TBC1D23: variants seen among roughly 807,000 people sequenced by gnomAD.
The protein encoded by TBC1D23 is TBC1 domain family member 23.
TBC1D23 carries 55 observed loss-of-function variants against 91.4 expected under a neutral mutation model. That is an observed-to-expected ratio of 0.60 (90% CI 0.48 to 0.75). TBC1D23 has a LOEUF of 0.75. Ranked by LOEUF, TBC1D23 falls within the 30% of genes least tolerant of loss-of-function variation. The pLI is 0.00. For missense variants in TBC1D23, 725 were observed against 836.1 expected (o/e 0.87, Z 1.64); for synonymous variants, 289 against 281.0 (o/e 1.03, Z -0.28).
chr3:100,290,117 T>A (rs1323443899), intron 4 of TBC1D23, among the ~76,000 whole-genome samples: 1 of 152,200 alleles, frequency 6.6e-6, no homozygotes, highest in Non-Finnish European at 1.5e-5. Context: ...CAACAGTTTT[T>A]AAGGCCATTA....
In TBC1D23 at chr3:100,261,342, G is replaced by C. The variant is rs577990481; in HGVS notation, c.53+271G>C. 3 of 508,504 alleles carry C rather than the reference G, an allele frequency of 5.9e-6. No homozygotes were observed. The East Asian group carries it at 1.0e-4, about 18-fold the overall frequency. 31.5% of individuals were successfully genotyped at this position (508,504 alleles called of 1,614,324 possible). A position where few individuals can be genotyped will look rare whatever the true frequency, so the allele number is the denominator to read the frequency against. ...CCTGTGTCGTCTGTCAGTCTCCAAA[G>C]TGTGCTGGAGTGGGTGGCTTCAGGG... On this transcript the variant is annotated intron_variant, in intron 1 of 18. Coordinates refer to ENST00000394144, the MANE Select transcript of TBC1D23 (RefSeq NM_001199198.3).
intron 1 of TBC1D23, among the ~76,000 whole-genome samples, chr3:100,272,004 GCCAC>G (rs1419426034): frequency 6.6e-6 from 1 of 152,176 alleles, no homozygotes; most frequent in African/African-American, 2.4e-5. Flanking sequence ...ACGAATCCAT[GCCAC>G]CCTTCCATCC....
At chr3:100,313,195 T>A (rs1362443244) in intron 15 of TBC1D23, among the ~76,000 whole-genome samples, 1 of 152,140 alleles carries the variant, frequency 6.6e-6, no homozygotes, top group African/African-American at 2.4e-5. Context: ...TTGTGAATCA[T>A]CCTTTCCATT....
intron 18 of TBC1D23, among the ~76,000 whole-genome samples, chr3:100,321,728 A>G (rs1300082538): frequency 6.6e-6 from 1 of 152,192 alleles, no homozygotes; most frequent in East Asian, 1.9e-4. Context: ...TGGAAGAGGA[A>G]ATTATTCAGC....
chr3:100,291,764 A>G (rs2067792480), intron 5 of TBC1D23, among the ~76,000 whole-genome samples: 1 of 151,614 alleles, frequency 6.6e-6, no homozygotes, highest in African/African-American at 2.4e-5. Flanking sequence ...TGGCTACATC[A>G]AAGATGGATT....
At chr3:100,298,722 T>C (rs1705354698) in intron 9 of TBC1D23, among the ~76,000 whole-genome samples, 1 of 152,222 alleles carries the variant, frequency 6.6e-6, no homozygotes, top group Non-Finnish European at 1.5e-5. Flanking sequence ...CAAACTAATA[T>C]TTAAAAACAA....
rs190242694 is a variant in TBC1D23 at position 100,279,595 on chromosome 3, A to C, written c.54-54A>C. The C allele has an allele frequency of 1.5e-5, 18 of 1,236,390 alleles. No homozygotes were observed. The East Asian group carries it at 3.3e-4, about 23-fold the overall frequency. 76.6% of individuals were successfully genotyped at this position (1,236,390 alleles called of 1,614,324 possible). ...GGCCATGCTTATAAATGAATCTTGA[A>C]TAAGAAAAAGTATGAGATAAAGTTC... On this transcript the variant is annotated intron_variant, in intron 1 of 18. Coordinates refer to ENST00000394144, the MANE Select transcript of TBC1D23 (RefSeq NM_001199198.3).
chr3:100,310,617 G>A (rs774577607), intron 14 of TBC1D23, 75 bp downstream of exon 14: 6 of 1,156,634 alleles, frequency 5.2e-6, no homozygotes, highest in South Asian at 1.7e-5. Flanking sequence ...GTAAGTAAAT[G>A]TTAGTTGAAT....
At chr3:100,309,225 A>C (rs925783928) in intron 13 of TBC1D23, among the ~76,000 whole-genome samples, 2 of 152,190 alleles carry the variant, frequency 1.3e-5, no homozygotes, top group Non-Finnish European at 2.9e-5. Flanking sequence ...CATCTCTTAC[A>C]TTTGGTACAT....
chr3:100,304,865 G>A lies in TBC1D23; in HGVS notation c.1283G>A (p.Ser428Asn). Residue 428 changes from serine (S) to asparagine (N), a missense_variant, in exon 12 of 19, where the codon AGT becomes AAT. Ser to Asn is a conservative substitution (Grantham distance 46). Coordinates refer to ENST00000394144, the MANE Select transcript of TBC1D23 (RefSeq NM_001199198.3). ...TTACAGAAAAACAAAGAATATGTGA[G>A]TATTGCCAGTGGAGGATTTATGGGT... Reference protein sequence around the residue: ...HFLQKNKEYVSIASGGFMALQ... With the variant: ...HFLQKNKEYVNIASGGFMALQ... The A allele has an allele frequency of 6.7e-7, 1 of 1,501,912 alleles. No individual in the cohort carries two copies. Among genetic ancestry groups the A allele is most frequent in the Middle Eastern group, 1.7e-4 (1 of 5,842 alleles). The allele number at this position is 1,501,912 out of a possible 1,614,324, so 93.0% of individuals were successfully genotyped here. A position where few individuals can be genotyped will look rare whatever the true frequency, so the allele number is the denominator to read the frequency against.
intron 11 of TBC1D23, among the ~76,000 whole-genome samples, chr3:100,304,302 G>T (rs1201293484): frequency 6.6e-6 from 1 of 152,078 alleles, no homozygotes; most frequent in Non-Finnish European, 1.5e-5. Flanking sequence ...TTAGGGGAAG[G>T]AGGTTCTGAG....
chr3:100,300,833 G>A lies in TBC1D23; in HGVS notation c.1093-1234G>A, dbSNP rs536193734. Among the ~76,000 whole-genome samples, 37 of 152,062 alleles carry A rather than the reference G, an allele frequency of 2.4e-4. 1 individual carries two copies. In the South Asian group the frequency reaches 2.9e-3, roughly 12 times the overall value. On this transcript the variant is annotated intron_variant, in intron 10 of 18. Coordinates refer to ENST00000394144, the MANE Select transcript of TBC1D23 (RefSeq NM_001199198.3). ...TAAAAATTTTTAAAGAATATTATCA[G>A]CTTACGTAATCTTCCAGACTTTTAA...
chr3:100,287,179 C>T (rs1328822359), intron 4 of TBC1D23, among the ~76,000 whole-genome samples: 4 of 152,110 alleles, frequency 2.6e-5, no homozygotes, highest in Non-Finnish European at 5.9e-5. Flanking sequence ...GTTGCTTGAT[C>T]TCGGCTCACT....
At chr3:100,267,252 A>G (rs1398454666) in intron 1 of TBC1D23, 2 of 450,350 alleles carry the variant, frequency 4.4e-6, no homozygotes, top group Non-Finnish European at 8.9e-6. Context: ...AAAGCAGGTA[A>G]GTACCTTCCA....
Position 100,304,894 on chromosome 3 carries a change from A to AT in TBC1D23, c.1306+10dup. 2 of 1,441,690 alleles carry AT rather than the reference A, an allele frequency of 1.4e-6. No individual in the cohort carries two copies. Among genetic ancestry groups the AT allele is most frequent in the Non-Finnish European group, 2.0e-6 (2 of 1,025,250 alleles). The allele number at this position is 1,441,690 out of a possible 1,614,324, so 89.3% of individuals were successfully genotyped here. A position where few individuals can be genotyped will look rare whatever the true frequency, so the allele number is the denominator to read the frequency against. On this transcript the variant is annotated splice_region_variant and intron_variant, in intron 12 of 18. Transcript: ENST00000394144. ...TGCCAGTGGAGGATTTATGGGTAAG[A>AT]TTTTGATTTATTAGTTTTTTTCCTC...
At chr3:100,279,586 G>A (rs1193625229) in intron 1 of TBC1D23, 63 bp from the exon 2 acceptor site, 1 of 1,158,156 alleles carries the variant, frequency 8.6e-7, no homozygotes, top group African/African-American at 1.6e-5. Flanking sequence ...GCTTATAAAT[G>A]AATCTTGAAT....
chr3:100,264,415 A>G (rs1254042647), intron 1 of TBC1D23, among the ~76,000 whole-genome samples: 1 of 152,002 alleles, frequency 6.6e-6, no homozygotes, highest in Non-Finnish European at 1.5e-5. Flanking sequence ...CCTAGCTCAA[A>G]CTCATCTTAA....
Position 100,306,570 on chromosome 3 carries a change from C to T in TBC1D23, c.1413+27C>T, listed in dbSNP as rs377511112. 2.5e-4 allele frequency: 343 copies of T among 1,394,900 alleles called. 2 individuals are homozygous for T. Among genetic ancestry groups the T allele is most frequent in the Non-Finnish European group, 8.1e-5 (80 of 985,920 alleles). 86.4% of individuals were successfully genotyped at this position (1,394,900 alleles called of 1,614,324 possible). A position where few individuals can be genotyped will look rare whatever the true frequency, so the allele number is the denominator to read the frequency against. ...TAAGTATATGTAGAGAATATGTTACCGGATTTGGATAAGTTCCCAGAAAAG... is the reference window on the plus strand; with the variant it reads ...TAAGTATATGTAGAGAATATGTTACTGGATTTGGATAAGTTCCCAGAAAAG... On this transcript the variant is annotated intron_variant, in intron 13 of 18. Coordinates refer to ENST00000394144, the MANE Select transcript of TBC1D23 (RefSeq NM_001199198.3).
rs1272882677 is a variant in TBC1D23, at chr3:100,261,052, A to G, written c.34A>G (p.Thr12Ala). The change falls in exon 1 of 19, where the codon ACG becomes GCG. Residue 12 changes from threonine to alanine, a missense_variant. Transcript: ENST00000394144. ...AGGAGAAGATGTGCCGCCGCTGCCAACGTCGAGCGGCGACGGCTGGTGAGT... is the reference window on the plus strand; with the variant it reads ...AGGAGAAGATGTGCCGCCGCTGCCAGCGTCGAGCGGCGACGGCTGGTGAGT... ...AEGEDVPPLP[T>A]SSGDGWEKDL... is the part of the protein sequence containing the mutation. 1.9e-6 allele frequency: 3 copies of G among 1,613,966 alleles called. No homozygotes were observed. The highest frequency in any genetic ancestry group is 1.7e-5 in the Admixed American group (1 of 60,030).
Sources: gnomAD v4.1 joint callset for allele counts (sites outside exome capture counted in the v4.1 genomes callset) on GRCh38, gnomAD v4.1.1 for gene constraint, MANE v1.5 for transcripts, NCBI Gene and HGNC (gene_info 2026-07-23, HGNC 2026-07-21) for gene names.